Variants in SLC12A8 observed in about 807,000 individuals in gnomAD.
SLC12A8 encodes cation-chloride cotransporter 9.
Under a neutral mutation model 75.6 loss-of-function variants are expected in SLC12A8, and 69 were observed. The ratio of observed to expected loss-of-function variants is 0.91; its 90% CI spans 0.75 to 1.11. The LOEUF (loss-of-function observed/expected upper bound fraction) is 1.11. Among genes scored for constraint, SLC12A8 ranks in the 50% most tolerant of loss-of-function variants. The pLI, the probability that SLC12A8 is intolerant of heterozygous loss-of-function variation, is 0.00. For missense variants in SLC12A8, 877 were observed against 896.7 expected (o/e 0.98, Z 0.28); for synonymous variants, 365 against 372.8 (o/e 0.98, Z 0.24).
intron 5 of SLC12A8, among the ~76,000 whole-genome samples, chr3:125,166,538 G>A (rs1048225808): frequency 2.0e-5 from 3 of 152,136 alleles, no homozygotes; most frequent in African/African-American, 4.8e-5. Flanking sequence ...AGGCCTCTGC[G>A]TCCGTCTCCC....
intron 2 of SLC12A8, among the ~76,000 whole-genome samples, chr3:125,202,613 C>T (rs9873519): frequency 0.45 from 67,475 of 149,226 alleles, 15,937 homozygotes; most frequent in Non-Finnish European, 0.53. Flanking sequence ...CATAGCTAGG[C>T]GGAATGTATT....
chr3:125,090,989 T>C (rs1938566917), intron 12 of SLC12A8, among the ~76,000 whole-genome samples: 1 of 152,218 alleles, frequency 6.6e-6, no homozygotes, highest in African/African-American at 2.4e-5. Flanking sequence ...TTGTCTCATT[T>C]GTCCTTTATT....
chr3:125,141,817 C>A (rs1933647291), intron 5 of SLC12A8, among the ~76,000 whole-genome samples: 2 of 152,096 alleles, frequency 1.3e-5, no homozygotes, highest in South Asian at 4.2e-4. Flanking sequence ...ATGGGAGAGG[C>A]TGGCGCAACC....
At chr3:125,095,017 C>T (rs983602276) in intron 10 of SLC12A8, among the ~76,000 whole-genome samples, 1 of 152,224 alleles carries the variant, frequency 6.6e-6, no homozygotes, top group Non-Finnish European at 1.5e-5. Flanking sequence ...GGCTCGCCTC[C>T]TCCTTCCAAC....
intron 2 of SLC12A8, among the ~76,000 whole-genome samples, chr3:125,202,790 A>C (rs751510122): frequency 3.9e-5 from 6 of 152,202 alleles, no homozygotes; most frequent in Non-Finnish European, 5.9e-5. Flanking sequence ...TCCCATGCTT[A>C]GAATTATTAA....
intron 13 of SLC12A8, among the ~76,000 whole-genome samples, chr3:125,085,373 T>C (rs1386748425): frequency 4.6e-5 from 7 of 152,228 alleles, no homozygotes; most frequent in African/African-American, 9.6e-5. Flanking sequence ...GCCTTCTCAA[T>C]GACAGGCTCA....
At chr3:125,187,580 G>A in intron 3 of SLC12A8, 152 bp from the exon 4 acceptor site, 2 of 694,000 alleles carry the variant, frequency 2.9e-6, no homozygotes, top group Non-Finnish European at 2.5e-6. Context: ...AAAGGACAAA[G>A]CAAGCACCAC....
rs1938373633 is a variant in SLC12A8, at chr3:125,083,261, CAG to C, written c.*627_*628del. The C allele has an allele frequency of 1.3e-5, 2 of 152,148 alleles. No individual in the cohort carries two copies. The highest frequency in any genetic ancestry group is 2.4e-5 in the African/African-American group (1 of 41,414). 9.4% of individuals were successfully genotyped at this position (152,148 alleles called of 1,614,324 possible). ...CCTCTGCACAAGCAATCTGGTTGTG[CAG>C]AGTCTTGGTGTCCCCTGCTAGTCTT... On this transcript the variant is annotated 3_prime_UTR_variant, in exon 14 of 14. Coordinates refer to ENST00000469902, the MANE Select transcript of SLC12A8 (RefSeq NM_024628.6).
intron 10 of SLC12A8, among the ~76,000 whole-genome samples, chr3:125,096,546 C>A (rs1938716243): frequency 6.6e-6 from 1 of 152,198 alleles, no homozygotes; most frequent in Non-Finnish European, 1.5e-5. Context: ...TTCATCCTCT[C>A]AACATCTATT....
intron 5 of SLC12A8, among the ~76,000 whole-genome samples, chr3:125,156,740 G>A (rs1934059861): frequency 6.6e-6 from 1 of 152,176 alleles, no homozygotes; most frequent in Non-Finnish European, 1.5e-5. Context: ...AGTCCAGGCT[G>A]TGTCTTCTCT....
At chr3:125,143,454 G>A (rs1018219402) in intron 5 of SLC12A8, among the ~76,000 whole-genome samples, 1 of 152,244 alleles carries the variant, frequency 6.6e-6, no homozygotes, top group Non-Finnish European at 1.5e-5. Context: ...TCGGACCACA[G>A]TCTCCTCTCT....
At chr3:125,135,397 A>G (rs1484527845) in intron 6 of SLC12A8, among the ~76,000 whole-genome samples, 1 of 152,208 alleles carries the variant, frequency 6.6e-6, no homozygotes, top group Non-Finnish European at 1.5e-5. Flanking sequence ...ATTAAATCAT[A>G]TCGAAGGCCT....
chr3:125,193,023 C>A (rs1370374100), intron 2 of SLC12A8, among the ~76,000 whole-genome samples: 1 of 152,154 alleles, frequency 6.6e-6, no homozygotes, highest in Non-Finnish European at 1.5e-5. Flanking sequence ...AAATAAAGCC[C>A]CCGAGGGATA....
intron 6 of SLC12A8, among the ~76,000 whole-genome samples, chr3:125,126,295 A>G (rs2948793): frequency 0.13 from 19,352 of 152,182 alleles, 1,580 homozygotes; most frequent in Admixed American, 0.17. Context: ...TTGACATCAC[A>G]CCTACAGTTT....
At chr3:125,136,444 G>A (rs2107761534) in intron 5 of SLC12A8, among the ~76,000 whole-genome samples, 1 of 152,230 alleles carries the variant, frequency 6.6e-6, no homozygotes, top group East Asian at 1.9e-4. Flanking sequence ...TCCCTAATCA[G>A]AATCTATTCC....
chr3:125,153,258 A>C (rs1367838399), intron 5 of SLC12A8, among the ~76,000 whole-genome samples: 1 of 152,152 alleles, frequency 6.6e-6, no homozygotes, highest in African/African-American at 2.4e-5. Context: ...AAACGGCAAT[A>C]ATATGGGATT....
chr3:125,190,722 T>C lies in SLC12A8; in HGVS notation c.52-201A>G, dbSNP rs143791471. 3.4e-4 allele frequency among the ~76,000 whole-genome samples: 52 copies of C among 152,370 alleles called. No individual in the cohort carries two copies. The East Asian group carries it at 6.9e-3, about 20-fold the overall frequency. ...ACACACACATCTTGAAGCATACCTCTACAAAAGGATCACTGTTCTCTTGTA... is the reference window on the plus strand; with the variant it reads ...ACACACACATCTTGAAGCATACCTCCACAAAAGGATCACTGTTCTCTTGTA... On this transcript the variant is annotated intron_variant, in intron 2 of 13. Coordinates refer to ENST00000469902, the MANE Select transcript of SLC12A8 (RefSeq NM_024628.6).
At position 125,120,601 on chromosome 3, in the gene SLC12A8, G is replaced by A. The variant is rs1403170608; in HGVS notation, c.822C>T (p.Ile274=). 1 of 1,612,094 alleles carries A rather than the reference G, an allele frequency of 6.2e-7. No homozygotes were observed. Among genetic ancestry groups the A allele is most frequent in the Non-Finnish European group, 8.5e-7 (1 of 1,178,676 alleles). Residue 274 remains isoleucine, a splice_region_variant and synonymous_variant, in exon 7 of 14, where the codon ATC becomes ATT. Coordinates refer to ENST00000469902, the MANE Select transcript of SLC12A8 (RefSeq NM_024628.6). ...IPLGSLAAVG[I]SWFLYIIFVF... ...TGATTGCCATGAGGGGAACTTACGAGATGCCAACAGCTGCCAGGGAGCCCA... is the reference window on the plus strand; with the variant it reads ...TGATTGCCATGAGGGGAACTTACGAAATGCCAACAGCTGCCAGGGAGCCCA...
At chr3:125,093,328 T>C (rs1041821067) in intron 10 of SLC12A8, among the ~76,000 whole-genome samples, 2 of 152,178 alleles carry the variant, frequency 1.3e-5, no homozygotes, top group Non-Finnish European at 2.9e-5. Flanking sequence ...TTCTCTGTTC[T>C]CCAATATCAA....
Sources: gnomAD v4.1 joint callset for allele counts (sites outside exome capture counted in the v4.1 genomes callset) on GRCh38, gnomAD v4.1.1 for gene constraint, MANE v1.5 for transcripts, NCBI Gene and HGNC (gene_info 2026-07-23, HGNC 2026-07-21) for gene names.